Variants in CRCP observed in about 807,000 individuals in gnomAD.
The protein encoded by CRCP is DNA-directed RNA polymerase III subunit RPC9.
CRCP carries 18 observed loss-of-function variants against 18.5 expected under a neutral mutation model. The observed-to-expected ratio is 0.97, with a 90% CI of 0.67 to 1.44. The LOEUF is 1.44. Among genes scored for constraint, CRCP ranks in the 40% most tolerant of loss-of-function variants. The pLI, the probability that CRCP is intolerant of heterozygous loss-of-function variation, is 0.00. For missense variants in CRCP, 130 were observed against 176.4 expected (o/e 0.74, Z 1.49); for synonymous variants, 53 against 62.9 (o/e 0.84, Z 0.75).
chr7:66,117,703 A>G (rs1035875451), intron 1 of CRCP, among the ~76,000 whole-genome samples: 1 of 152,198 alleles, frequency 6.6e-6, no homozygotes, highest in South Asian at 2.1e-4. Context: ...TGATTGGAAC[A>G]TGTCGCTCCT....
chr7:66,131,372 A>G (rs888315915), intron 3 of CRCP, among the ~76,000 whole-genome samples: 5 of 152,078 alleles, frequency 3.3e-5, no homozygotes, highest in African/African-American at 9.7e-5. Context: ...AGTGTAAAAG[A>G]TTGCCCTCAT....
At chr7:66,129,826 G>T (rs529212800) in intron 2 of CRCP, among the ~76,000 whole-genome samples, 1 of 152,034 alleles carries the variant, frequency 6.6e-6, no homozygotes, top group Admixed American at 6.6e-5. Flanking sequence ...GATGAGAGGG[G>T]TCGTATTGTA....
At chr7:66,130,474 G>A (rs1787766170) in intron 2 of CRCP, among the ~76,000 whole-genome samples, 1 of 152,004 alleles carries the variant, frequency 6.6e-6, no homozygotes, top group South Asian at 2.1e-4. Context: ...TTTGAGATCA[G>A]ATTAGTGATG....
Position 66,126,261 on chromosome 7 carries a change from C to T in CRCP, c.9-1443C>T, listed in dbSNP as rs117400998. 2.6e-4 allele frequency among the ~76,000 whole-genome samples: 39 copies of T among 149,290 alleles called. 3 individuals carry two copies. The East Asian group carries it at 6.8e-3, about 26-fold the overall frequency. Reference sequence around the variant, plus strand: ...GTTAGTTTTGCTTTATTTATTGACTCGGAAGTCACCTATCTGGCCCATGCT... The same window carrying T: ...GTTAGTTTTGCTTTATTTATTGACTTGGAAGTCACCTATCTGGCCCATGCT... On this transcript the variant is annotated intron_variant, in intron 1 of 5. Coordinates refer to ENST00000395326, the MANE Select transcript of CRCP (RefSeq NM_014478.5).
At chr7:66,128,343 G>C (rs1787679523) in intron 2 of CRCP, among the ~76,000 whole-genome samples, 1 of 152,092 alleles carries the variant, frequency 6.6e-6, no homozygotes, top group Non-Finnish European at 1.5e-5. Context: ...TGTAGTCATA[G>C]GATAGAAGCA....
At chr7:66,147,067 C>T (rs1342192259) in intron 5 of CRCP, among the ~76,000 whole-genome samples, 2 of 152,106 alleles carry the variant, frequency 1.3e-5, no homozygotes, top group African/African-American at 2.4e-5. Context: ...GTGGGCCGGG[C>T]GCGGTGGCTC....
chr7:66,122,257 C>T (rs1425514263), intron 1 of CRCP, among the ~76,000 whole-genome samples: 1 of 151,916 alleles, frequency 6.6e-6, no homozygotes, highest in South Asian at 2.1e-4. Flanking sequence ...TGCCCGTAGT[C>T]CCAGCTACTT....
intron 4 of CRCP, among the ~76,000 whole-genome samples, chr7:66,140,247 G>A (rs952821499): frequency 4.6e-5 from 7 of 152,162 alleles, no homozygotes; most frequent in Non-Finnish European, 8.8e-5. Flanking sequence ...TGAGAGAAAA[G>A]GGGAAAAAGC....
chr7:66,143,118 T>G (rs1344127620), intron 4 of CRCP, among the ~76,000 whole-genome samples: 1 of 152,192 alleles, frequency 6.6e-6, no homozygotes, highest in Non-Finnish European at 1.5e-5. Flanking sequence ...AGTTGTCAAG[T>G]CCTGTTGACT....
chr7:66,144,453 C>G (rs1241134897), intron 4 of CRCP, among the ~76,000 whole-genome samples: 1 of 152,094 alleles, frequency 6.6e-6, no homozygotes, highest in African/African-American at 2.4e-5. Context: ...GGAATTTACC[C>G]ATTTCTAAGA....
At chr7:66,118,139 A>G (rs1787328179) in intron 1 of CRCP, among the ~76,000 whole-genome samples, 1 of 151,752 alleles carries the variant, frequency 6.6e-6, no homozygotes, top group African/African-American at 2.4e-5. Flanking sequence ...CACCACGCCC[A>G]GCTAATTTAT....
At chr7:66,115,155 C>G (rs541761237) in intron 1 of CRCP, among the ~76,000 whole-genome samples, 185 bp downstream of exon 1, 1 of 152,256 alleles carries the variant, frequency 6.6e-6, no homozygotes, top group East Asian at 1.9e-4. Flanking sequence ...TTTGCCCTTC[C>G]GAACCTTCGC....
intron 4 of CRCP, chr7:66,134,602 T>C (rs897330563): frequency 6.0e-6 from 2 of 331,482 alleles, no homozygotes; most frequent in Non-Finnish European, 1.1e-5. Flanking sequence ...GATACTGTAT[T>C]ACTCTGCCTG....
chr7:66,140,573 G>T (rs985670822), intron 4 of CRCP, among the ~76,000 whole-genome samples: 1 of 151,932 alleles, frequency 6.6e-6, no homozygotes, highest in Non-Finnish European at 1.5e-5. Context: ...TGTATTTTTA[G>T]TAGAGACGGG....
At chr7:66,151,543 T>A (rs886449206) in intron 5 of CRCP, among the ~76,000 whole-genome samples, 1 of 151,714 alleles carries the variant, frequency 6.6e-6, no homozygotes, top group Non-Finnish European at 1.5e-5. Flanking sequence ...CACTCCAGCC[T>A]GGCGACAGAG....
At chr7:66,138,248 C>A (rs185003428) in intron 4 of CRCP, among the ~76,000 whole-genome samples, 45 of 152,250 alleles carry the variant, frequency 3.0e-4, no homozygotes, top group Admixed American at 2.5e-3. Context: ...GATTAGAAAT[C>A]TGTGATCAGG....
intron 1 of CRCP, chr7:66,119,803 C>CA (rs2115856032): frequency 6.6e-6 from 1 of 152,260 alleles, no homozygotes; most frequent in East Asian, 1.9e-4. Flanking sequence ...GGAATAATGA[C>CA]AAAAAGCAGT....
At chr7:66,134,094 A>G (rs1787895942) in intron 3 of CRCP, among the ~76,000 whole-genome samples, 186 bp from the exon 4 acceptor site, 1 of 151,768 alleles carries the variant, frequency 6.6e-6, no homozygotes, top group East Asian at 1.9e-4. Flanking sequence ...TCCTGACCTC[A>G]GGTGATTTGG....
chr7:66,148,194 C>T (rs536764136), intron 5 of CRCP, among the ~76,000 whole-genome samples: 45 of 152,152 alleles, frequency 3.0e-4, no homozygotes, highest in African/African-American at 1.0e-3. Flanking sequence ...AAACCTCATC[C>T]CTACTAAAAA....
Sources: gnomAD v4.1 joint callset for allele counts (sites outside exome capture counted in the v4.1 genomes callset) on GRCh38, gnomAD v4.1.1 for gene constraint, MANE v1.5 for transcripts, NCBI Gene and HGNC (gene_info 2026-07-23, HGNC 2026-07-21) for gene names.